Variants in FMN2 observed in about 807,000 individuals in gnomAD.
The protein encoded by FMN2 is formin-2.
In FMN2, 51 loss-of-function variants were observed where a neutral mutation model predicts 142.3. That is an observed-to-expected ratio of 0.36 (90% CI 0.29 to 0.45). The LOEUF is 0.45. FMN2 is among the 20% of genes least tolerant of loss of function. FMN2 has a pLI of 1.00. For synonymous variants in FMN2, 882 were observed against 869.8 expected (o/e 1.01, Z -0.25); for missense variants, 1,936 against 2,122.8 (o/e 0.91, Z 1.73).
chr1:240,200,477 G>C (rs1274121883), intron 4 of FMN2, among the ~76,000 whole-genome samples: 1 of 152,030 alleles, frequency 6.6e-6, no homozygotes. Flanking sequence ...TGATAGCCCT[G>C]GATAAGGAAG....
chr1:240,403,356 A>G (rs544916582), intron 15 of FMN2, among the ~76,000 whole-genome samples: 7 of 152,348 alleles, frequency 4.6e-5, no homozygotes, highest in Admixed American at 1.3e-4. Context: ...AAAAATGCCT[A>G]GGTGCAGTGG....
intron 1 of FMN2, among the ~76,000 whole-genome samples, chr1:240,097,647 G>T (rs150555480): frequency 6.6e-6 from 1 of 152,110 alleles, no homozygotes; most frequent in Non-Finnish European, 1.5e-5. Flanking sequence ...GAGCCACCGC[G>T]CCCGGCTATA....
intron 14 of FMN2, among the ~76,000 whole-genome samples, chr1:240,370,248 C>A (rs1487446404): frequency 6.6e-6 from 1 of 151,984 alleles, no homozygotes; most frequent in Non-Finnish European, 1.5e-5. Flanking sequence ...TTACTTTACC[C>A]CAGCTTTTTT....
chr1:240,137,204 C>T (rs1662981577), intron 2 of FMN2, among the ~76,000 whole-genome samples: 1 of 151,512 alleles, frequency 6.6e-6, no homozygotes, highest in Non-Finnish European at 1.5e-5. Flanking sequence ...TAGGTCCTCC[C>T]AATTTGTACT....
chr1:240,263,958 C>G (rs1668713281), intron 7 of FMN2, among the ~76,000 whole-genome samples: 1 of 152,082 alleles, frequency 6.6e-6, no homozygotes, highest in African/African-American at 2.4e-5. Flanking sequence ...TTATGAAAAT[C>G]ATATATCTTA....
In FMN2 at chr1:240,245,089, TG is replaced by T. The variant is rs143645292; in HGVS notation, c.4066-12854del. Among the ~76,000 whole-genome samples the T allele has an allele frequency of 1.1e-4, 17 of 152,282 alleles. No individual in the cohort carries two copies. In the East Asian group the frequency reaches 3.3e-3, roughly 29 times the overall value. On this transcript the variant is annotated intron_variant, in intron 6 of 17. Transcript: ENST00000319653. The stretch of plus-strand genomic sequence containing the variant: ...ATATAGTCTCAAAAGAGTAAAGAAG[TG>T]GCTCCTAAGTCAGCTCCTGTAAGAG...
At chr1:240,296,003 A>T (rs1288518044) in intron 8 of FMN2, among the ~76,000 whole-genome samples, 1 of 152,140 alleles carries the variant, frequency 6.6e-6, no homozygotes, top group Non-Finnish European at 1.5e-5. Flanking sequence ...TTCTCTGATG[A>T]ACTGTGATCA....
chr1:240,383,889 T>A (rs10926235), intron 14 of FMN2, among the ~76,000 whole-genome samples: 37,152 of 144,800 alleles, frequency 0.26, 4,904 homozygotes, highest in East Asian at 0.55. Context: ...AGAAAAAAAA[T>A]ATATATATAT....
At chr1:240,120,883 C>G (rs1247318070) in intron 1 of FMN2, among the ~76,000 whole-genome samples, 2 of 152,184 alleles carry the variant, frequency 1.3e-5, no homozygotes, top group Non-Finnish European at 2.9e-5. Context: ...CTAGGCCAGG[C>G]ACGGTGTTTT....
Position 240,192,879 on chromosome 1 carries a change from A to G in FMN2, c.1986+4617A>G, listed in dbSNP as rs143377707. 1.0e-2 allele frequency among the ~76,000 whole-genome samples: 1,516 copies of G among 152,168 alleles called. 49 individuals carry two copies. The highest frequency in any genetic ancestry group is 0.071 in the Admixed American group (1,081 of 15,272). Reference sequence around the variant, plus strand: ...GGTGTGGGAATAATTTTTATTCTGTAGAAACTCCAAGGAGCTCAGAGAAAA... The same window carrying G: ...GGTGTGGGAATAATTTTTATTCTGTGGAAACTCCAAGGAGCTCAGAGAAAA... On this transcript the variant is annotated intron_variant, in intron 4 of 17. Transcript: ENST00000319653.
intron 17 of FMN2, among the ~76,000 whole-genome samples, chr1:240,472,991 G>A (rs61831575): frequency 0.012 from 1,839 of 151,954 alleles, 18 homozygotes; most frequent in Non-Finnish European, 0.019. Flanking sequence ...ATCTACTGAG[G>A]GTGTGCATTT....
chr1:240,313,550 T>C (rs1670664434), intron 8 of FMN2, among the ~76,000 whole-genome samples: 1 of 152,148 alleles, frequency 6.6e-6, no homozygotes, highest in African/African-American at 2.4e-5. Flanking sequence ...TCCAAAATAG[T>C]CAACAGTAAA....
chr1:240,411,654 AT>A (rs1428373363), intron 15 of FMN2, among the ~76,000 whole-genome samples: 1 of 147,032 alleles, frequency 6.8e-6, no homozygotes, highest in African/African-American at 2.5e-5. Context: ...TCTGAGAAGC[AT>A]TTCATGTTCT....
intron 7 of FMN2, among the ~76,000 whole-genome samples, chr1:240,274,221 GAAA>G (rs112979143): frequency 1.8e-5 from 2 of 109,442 alleles, no homozygotes; most frequent in Non-Finnish European, 2.0e-5. Flanking sequence ...TGGGGGAAAC[GAAA>G]AAAAAAAAAA....
At chr1:240,472,518 T>C in intron 17 of FMN2, 65 bp downstream of exon 17, 1 of 992,974 alleles carries the variant, frequency 1.0e-6, no homozygotes, top group East Asian at 2.6e-5. Context: ...TCATAATATA[T>C]ACAAACTCAT....
intron 2 of FMN2, among the ~76,000 whole-genome samples, chr1:240,176,353 G>A (rs1262150421): frequency 6.6e-6 from 1 of 152,206 alleles, no homozygotes; most frequent in Non-Finnish European, 1.5e-5. Flanking sequence ...TGACTTGAGA[G>A]TCAGAGCGTG....
intron 16 of FMN2, among the ~76,000 whole-genome samples, chr1:240,461,307 GACA>G (rs1474475731): frequency 2.0e-5 from 3 of 152,202 alleles, no homozygotes; most frequent in East Asian, 1.9e-4. Flanking sequence ...GTAAAAGTTG[GACA>G]ACAACAATAT....
chr1:240,171,427 G>GT (rs1257050413), intron 2 of FMN2: 2 of 461,544 alleles, frequency 4.3e-6, no homozygotes, highest in Non-Finnish European at 8.0e-6. Flanking sequence ...ATGAATCTCT[G>GT]TAATCAAGGC....
At chr1:240,361,141 G>GTATATATA (rs202070560) in intron 14 of FMN2, among the ~76,000 whole-genome samples, 533 of 42,612 alleles carry the variant, frequency 0.013, 7 homozygotes, top group Non-Finnish European at 0.015. Flanking sequence ...AAATATATGT[G>GTATATATA]TATATATATA....
Sources: gnomAD v4.1 joint callset for allele counts (sites outside exome capture counted in the v4.1 genomes callset) on GRCh38, gnomAD v4.1.1 for gene constraint, MANE v1.5 for transcripts, NCBI Gene and HGNC (gene_info 2026-07-23, HGNC 2026-07-21) for gene names.